Variants in SCFD2 observed in about 807,000 individuals in gnomAD.
SCFD2 encodes sec1 family domain-containing protein 2.
Under a neutral mutation model 58.9 loss-of-function variants are expected in SCFD2, and 54 were observed. The observed-to-expected ratio is 0.92, with a 90% CI of 0.74 to 1.15. The LOEUF is 1.15. SCFD2 is among the 50% of genes most tolerant of loss of function. The pLI, the probability that SCFD2 is intolerant of heterozygous loss-of-function variation, is 0.00. For synonymous variants in SCFD2, 321 were observed against 335.9 expected, an observed-to-expected ratio of 0.96 and a Z score of 0.49; for missense variants, 805 against 836.6, an observed-to-expected ratio of 0.96 and a Z score of 0.47.
chr4:53,341,205 T>G (rs1259420365), intron 2 of SCFD2, among the ~76,000 whole-genome samples: 3 of 152,046 alleles, frequency 2.0e-5, no homozygotes, highest in Admixed American at 2.0e-4. Context: ...GCTAAAAACC[T>G]TGAAAAAAGA....
At chr4:53,010,387 CAATAGTA>C (rs1722068446) in intron 5 of SCFD2, among the ~76,000 whole-genome samples, 1 of 152,168 alleles carries the variant, frequency 6.6e-6, no homozygotes, top group Admixed American at 6.5e-5. Flanking sequence ...GACTTTTACA[CAATAGTA>C]AATACATTGG....
rs141533544 is a variant in SCFD2, at chr4:52,984,929, A to G, written c.1562-64059T>C. Among the ~76,000 whole-genome samples, 6 of 152,350 alleles carry G rather than the reference A, an allele frequency of 3.9e-5. No individual in the cohort carries two copies. The East Asian group carries it at 1.2e-3, about 29-fold the overall frequency. On this transcript the variant is annotated intron_variant, in intron 5 of 8. Transcript: ENST00000401642. ...TACTTGCCTACACTTTTTATAAGCTAAAGTGTGAATGAACTATCAAAACCT... is the reference window on the plus strand; with the variant it reads ...TACTTGCCTACACTTTTTATAAGCTGAAGTGTGAATGAACTATCAAAACCT...
At chr4:53,010,408 T>C in intron 5 of SCFD2, among the ~76,000 whole-genome samples, 1 of 152,208 alleles carries the variant, frequency 6.6e-6, no homozygotes, top group Non-Finnish European at 1.5e-5. Flanking sequence ...ACATTGGCAA[T>C]GACAAGAACA....
chr4:53,151,603 G>A (rs1726508112), intron 4 of SCFD2, among the ~76,000 whole-genome samples: 1 of 152,212 alleles, frequency 6.6e-6, no homozygotes, highest in African/African-American at 2.4e-5. Context: ...GAGCAGGCCA[G>A]GCTGGCTGTA....
At chr4:53,091,326 G>T (rs1456831718) in intron 5 of SCFD2, among the ~76,000 whole-genome samples, 1 of 149,124 alleles carries the variant, frequency 6.7e-6, no homozygotes, top group Non-Finnish European at 1.5e-5. Flanking sequence ...TAGAGATAAA[G>T]AATTAACTCT....
At chr4:52,994,092 C>G (rs1356345557) in intron 5 of SCFD2, among the ~76,000 whole-genome samples, 6 of 152,202 alleles carry the variant, frequency 3.9e-5, no homozygotes, top group Non-Finnish European at 8.8e-5. Flanking sequence ...CCTGGGGCAT[C>G]CTCAGGCCAG....
At chr4:53,078,481 G>A (rs982710270) in intron 5 of SCFD2, among the ~76,000 whole-genome samples, 9 of 152,184 alleles carry the variant, frequency 5.9e-5, no homozygotes, top group African/African-American at 2.2e-4. Context: ...TTTAAAAAGT[G>A]TGCAATGTGT....
intron 5 of SCFD2, among the ~76,000 whole-genome samples, chr4:52,928,905 G>A (rs1480977489): frequency 2.9e-5 from 4 of 135,724 alleles, no homozygotes; most frequent in Non-Finnish European, 6.1e-5. Flanking sequence ...AGTTAAATCA[G>A]ACCAAAAAAA....
At chr4:53,128,045 G>T (rs1206597304) in intron 5 of SCFD2, among the ~76,000 whole-genome samples, 4 of 63,172 alleles carry the variant, frequency 6.3e-5, no homozygotes, top group East Asian at 4.4e-4. Context: ...CAAGGGCCAT[G>T]TCCTAAAAAA....
At chr4:52,978,414 T>C (rs1721300741) in intron 5 of SCFD2, among the ~76,000 whole-genome samples, 1 of 152,166 alleles carries the variant, frequency 6.6e-6, no homozygotes, top group South Asian at 2.1e-4. Context: ...ATTATGTATA[T>C]CTTAGCCCAA....
intron 5 of SCFD2, among the ~76,000 whole-genome samples, chr4:53,050,935 C>G (rs528610734): frequency 1.3e-5 from 2 of 152,282 alleles, no homozygotes; most frequent in South Asian, 2.1e-4. Flanking sequence ...GAGACCTTCC[C>G]TGGACACATC....
chr4:52,903,891 C>T (rs1719283255), intron 7 of SCFD2, among the ~76,000 whole-genome samples: 1 of 152,172 alleles, frequency 6.6e-6, no homozygotes, highest in African/African-American at 2.4e-5. Context: ...AAACATTAGT[C>T]TGGAGAAAGG....
chr4:53,186,145 CCTATAAGATGGTG>C (rs1302307307), intron 4 of SCFD2, among the ~76,000 whole-genome samples: 1 of 152,090 alleles, frequency 6.6e-6, no homozygotes, highest in Non-Finnish European at 1.5e-5. Flanking sequence ...TTATGACAGT[CCTATAAGATGGTG>C]CTATTATTAT....
At chr4:53,156,618 A>G (rs1265197327) in intron 4 of SCFD2, among the ~76,000 whole-genome samples, 10 of 152,184 alleles carry the variant, frequency 6.6e-5, no homozygotes, top group African/African-American at 2.4e-4. Flanking sequence ...GAATGGCATG[A>G]ACCCAGGAGG....
At chr4:53,208,964 C>T (rs545345111) in intron 4 of SCFD2, among the ~76,000 whole-genome samples, 1 of 152,086 alleles carries the variant, frequency 6.6e-6, no homozygotes, top group Non-Finnish European at 1.5e-5. Flanking sequence ...TTCTAACAAA[C>T]CCTAGTTTGA....
intron 4 of SCFD2, among the ~76,000 whole-genome samples, chr4:53,268,611 T>C (rs1401292109): frequency 3.9e-5 from 6 of 152,064 alleles, no homozygotes. Context: ...ATCTGTGCTA[T>C]AGGAGCCACA....
At chr4:53,131,128 C>A (rs1363930132) in intron 5 of SCFD2, among the ~76,000 whole-genome samples, 1 of 152,012 alleles carries the variant, frequency 6.6e-6, no homozygotes, top group East Asian at 1.9e-4. Flanking sequence ...AAAGGCAGTA[C>A]CAACAAAATG....
intron 4 of SCFD2, among the ~76,000 whole-genome samples, chr4:53,205,935 C>G (rs1728393605): frequency 6.6e-6 from 1 of 151,714 alleles, no homozygotes; most frequent in Non-Finnish European, 1.5e-5. Flanking sequence ...ACACAATTAT[C>G]AACTCAAAGG....
At chr4:53,231,087 A>G (rs1729422630) in intron 4 of SCFD2, among the ~76,000 whole-genome samples, 1 of 152,168 alleles carries the variant, frequency 6.6e-6, no homozygotes, top group African/African-American at 2.4e-5. Context: ...TATTATAGGT[A>G]TATGCATAAG....
Sources: allele counts gnomAD v4.1 joint callset (sites outside exome capture counted in the v4.1 genomes callset), GRCh38; gene constraint gnomAD v4.1.1; transcripts MANE v1.5; gene names NCBI Gene and HGNC (gene_info 2026-07-23, HGNC 2026-07-21).